Variants in PPIP5K1 observed in about 807,000 individuals in gnomAD.
The protein encoded by PPIP5K1 is inositol hexakisphosphate and diphosphoinositol-pentakisphosphate kinase 1.
In PPIP5K1, 6 loss-of-function variants were observed where a neutral mutation model predicts 27.7. The ratio of observed to expected loss-of-function variants is 0.22; its 90% confidence interval spans 0.12 to 0.43. PPIP5K1 has a LOEUF of 0.43. Ranked by LOEUF, PPIP5K1 falls within the 20% of genes least tolerant of loss-of-function variation. The pLI is 1.00. For synonymous variants in PPIP5K1, 145 were observed against 242.6 expected (o/e 0.60, Z 3.74); for missense variants, 394 against 635.4 (o/e 0.62, Z 4.08).
At chr15:43,586,706 GATA>G (rs139100270) in intron 1 of PPIP5K1, among the ~76,000 whole-genome samples, 134 of 96,360 alleles carry the variant, frequency 1.4e-3, no homozygotes, top group Admixed American at 1.9e-3. Context: ...AAATAATGAT[GATA>G]ATAATAATAA....
chr15:43,554,351 T>C (rs2082642560), intron 30 of PPIP5K1, among the ~76,000 whole-genome samples: 1 of 152,122 alleles, frequency 6.6e-6, no homozygotes, highest in Non-Finnish European at 1.5e-5. Flanking sequence ...AGGGTCTTGC[T>C]ATGTTCCCCA....
chr15:43,549,048 AAAAAAAAAATATATATAT>A (rs1457803854), intron 30 of PPIP5K1, among the ~76,000 whole-genome samples: 8 of 79,788 alleles, frequency 1.0e-4, no homozygotes, highest in Admixed American at 1.3e-4. Context: ...AAAAAAAAAA[AAAAAAAAAATATATATAT>A]ATATATATAT....
chr15:43,552,230 C>T (rs1004997648), intron 30 of PPIP5K1, among the ~76,000 whole-genome samples: 7 of 152,120 alleles, frequency 4.6e-5, no homozygotes, highest in African/African-American at 1.7e-4. Context: ...GTTGAGATTA[C>T]AAATGTGAGC....
rs1171378348 is a variant in PPIP5K1 at position 43,542,718 on chromosome 15, C to CTGTCAGTG, written c.3557-3143_3557-3136dup. The stretch of plus-strand genomic sequence containing the variant: ...TGTGTTTTAGAGACAGGCTCTTACT[C>CTGTCAGTG]TGTCAGTGGCTGGAATGCAGTGATG... On this transcript the variant is annotated intron_variant, in intron 30 of 31. Transcript: ENST00000420765. Among the ~76,000 whole-genome samples the CTGTCAGTG allele has an allele frequency of 5.3e-5, 8 of 150,062 alleles. No homozygotes were observed. In the Admixed American group the frequency reaches 5.3e-4, roughly 10 times the overall value.
intron 31 of PPIP5K1, among the ~76,000 whole-genome samples, 161 bp downstream of exon 31, chr15:43,539,309 C>T (rs1449710425): frequency 2.0e-5 from 3 of 152,154 alleles, no homozygotes; most frequent in Admixed American, 6.5e-5. Context: ...TAAACAGATT[C>T]TCCTTTCATC....
chr15:43,536,679 G>A (rs776544021), intron 31 of PPIP5K1, among the ~76,000 whole-genome samples: 1 of 152,060 alleles, frequency 6.6e-6, no homozygotes, highest in East Asian at 1.9e-4. Flanking sequence ...AATGTTACAG[G>A]CTTGTGCATA....
intron 30 of PPIP5K1, among the ~76,000 whole-genome samples, chr15:43,553,936 C>T (rs2082585738): frequency 6.6e-6 from 1 of 152,132 alleles, no homozygotes; most frequent in Admixed American, 6.6e-5. Flanking sequence ...TGAGCCACCT[C>T]GCCTGGCCAC....
At chr15:43,553,037 A>G (rs1028764162) in intron 30 of PPIP5K1, among the ~76,000 whole-genome samples, 4 of 152,242 alleles carry the variant, frequency 2.6e-5, no homozygotes, top group African/African-American at 4.8e-5. Flanking sequence ...ATCTGTTTCA[A>G]AAAAATAAAA....
chr15:43,552,058 C>T (rs2082277370), intron 30 of PPIP5K1, among the ~76,000 whole-genome samples: 2 of 151,128 alleles, frequency 1.3e-5, no homozygotes, highest in South Asian at 4.2e-4. Context: ...GGCATAAGCT[C>T]TCCTCCCACC....
chr15:43,559,950 G>A (rs6493089), intron 29 of PPIP5K1, among the ~76,000 whole-genome samples: 28,392 of 144,998 alleles, frequency 0.2, 534 homozygotes, highest in African/African-American at 0.43. Flanking sequence ...AAGGATTATA[G>A]CCTGACCATC....
chr15:43,551,880 G>C (rs1433545197), intron 30 of PPIP5K1, among the ~76,000 whole-genome samples: 4 of 151,932 alleles, frequency 2.6e-5, no homozygotes, highest in African/African-American at 9.7e-5. Flanking sequence ...TGGGATTACA[G>C]GCGTGAGCCA....
chr15:43,533,769 T>C lies in PPIP5K1; in HGVS notation c.*905A>G, dbSNP rs2140236427. On this transcript the variant is annotated 3_prime_UTR_variant, in exon 32 of 32. Coordinates refer to ENST00000420765, the MANE Select transcript of PPIP5K1 (RefSeq NM_001394395.1). Reference sequence around the variant, plus strand: ...ATTGATCTCTGCTGATTGCTTAAAATAGAACCTGATTATCTCTACTACTAC... The same window carrying C: ...ATTGATCTCTGCTGATTGCTTAAAACAGAACCTGATTATCTCTACTACTAC... The C allele has an allele frequency of 6.6e-6, 1 of 152,214 alleles. No individual in the cohort carries two copies. Among genetic ancestry groups the C allele is most frequent in the East Asian group, 1.9e-4 (1 of 5,186 alleles). The allele number at this position is 152,214 out of a possible 1,614,324, so 9.4% of individuals were successfully genotyped here.
rs1555430999 is a variant in PPIP5K1, at chr15:43,553,646, G to GTGT, written c.3556+5148_3556+5149insACA. 1.9e-3 allele frequency among the ~76,000 whole-genome samples: 256 copies of GTGT among 131,334 alleles called. 5 individuals carry two copies. Among genetic ancestry groups the GTGT allele is most frequent in the Admixed American group, 3.1e-3 (40 of 12,946 alleles). 86.2% of individuals were successfully genotyped at this position (131,334 alleles called of 152,430 possible). ...GGATTTCCTTACTAATTTTCTGTGTGTTTTTTTTTTTTTTTTGAGACGGAG... is the reference window on the plus strand; with the variant it reads ...GGATTTCCTTACTAATTTTCTGTGTGTGTTTTTTTTTTTTTTTTTGAGACGGAG... On this transcript the variant is annotated intron_variant, in intron 30 of 31. Coordinates refer to ENST00000420765, the MANE Select transcript of PPIP5K1 (RefSeq NM_001394395.1).
intron 31 of PPIP5K1, among the ~76,000 whole-genome samples, chr15:43,535,983 C>G (rs932558354): frequency 2.6e-5 from 4 of 152,206 alleles, no homozygotes; most frequent in Admixed American, 2.6e-4. Flanking sequence ...TCATTTGAAT[C>G]TGATGTACAC....
Position 43,535,218 on chromosome 15 carries a change from T to A in PPIP5K1, c.3929A>T (p.Glu1310Val), listed in dbSNP as rs760084750. The change falls in exon 32 of 32, where the codon GAG becomes GTG. Residue 1310 changes from glutamate to valine, a missense_variant. Physicochemically the swap from Glu to Val is moderately radical, Grantham distance 121. Transcript: ENST00000420765. ...GACCTCCTGACATGGCTGGCTGACCTCCTCGTATGGCTGGCTGGTTTCCAT... is the reference window on the plus strand; with the variant it reads ...GACCTCCTGACATGGCTGGCTGACCACCTCGTATGGCTGGCTGGTTTCCAT... Reference protein sequence around the residue: ...PPMETSQPYEEVSQPCQEVPD... With the variant: ...PPMETSQPYEVVSQPCQEVPD... 1 of 1,614,116 alleles carries A rather than the reference T, an allele frequency of 6.2e-7. No individual in the cohort carries two copies. The highest frequency in any genetic ancestry group is 8.5e-7 in the Non-Finnish European group (1 of 1,179,990).
chr15:43,535,523 G>C, intron 31 of PPIP5K1, 47 bp from the exon 32 acceptor site: 3 of 1,393,574 alleles, frequency 2.2e-6, no homozygotes, highest in Non-Finnish European at 2.9e-6. Flanking sequence ...TGGAAGAGTA[G>C]GCTCTACCCT....
intron 30 of PPIP5K1, among the ~76,000 whole-genome samples, chr15:43,554,363 T>C (rs940138745): frequency 1.4e-4 from 22 of 152,080 alleles, no homozygotes; most frequent in African/African-American, 4.6e-4. Flanking sequence ...TGTTCCCCAG[T>C]TGGAGTACTG....
At chr15:43,548,328 T>G (rs540799853) in intron 30 of PPIP5K1, 3 of 151,860 alleles carry the variant, frequency 2.0e-5, no homozygotes, top group Non-Finnish European at 4.4e-5. Context: ...AGGCTGGTCT[T>G]GAACTCCTGA....
intron 30 of PPIP5K1, among the ~76,000 whole-genome samples, chr15:43,553,964 G>GC (rs2082592960): frequency 2.0e-5 from 3 of 151,956 alleles, no homozygotes; most frequent in Non-Finnish European, 4.4e-5. Context: ...CTAATATTCC[G>GC]ACGAGTTGTT....
Sources: gnomAD v4.1 joint callset for allele counts (sites outside exome capture counted in the v4.1 genomes callset) on GRCh38, gnomAD v4.1.1 for gene constraint, MANE v1.5 for transcripts, NCBI Gene and HGNC (gene_info 2026-07-23, HGNC 2026-07-21) for gene names.